The following RASGRF1 variants were observed in gnomAD, a reference collection of about 807,000 sequenced individuals.
RASGRF1 encodes the protein Ras protein specific guanine nucleotide releasing factor 1, also known as ras-specific guanine nucleotide-releasing factor 1.
Under a neutral mutation model 138.7 loss-of-function variants are expected in RASGRF1, and 40 were observed. The observed-to-expected ratio is 0.29, with a 90% CI of 0.22 to 0.38. RASGRF1 has a LOEUF of 0.38. Ranked by LOEUF, RASGRF1 falls within the 10% of genes least tolerant of loss-of-function variation. The pLI is 1.00. For missense variants in RASGRF1, 1,108 were observed against 1,650.4 expected, an observed-to-expected ratio of 0.67 and a Z score of 5.69; for synonymous variants, 614 against 663.2, an observed-to-expected ratio of 0.93 and a Z score of 1.14.
chr15:79,004,471 G>A (rs972363220), intron 14 of RASGRF1, among the ~76,000 whole-genome samples: 8 of 152,064 alleles, frequency 5.3e-5, no homozygotes, highest in Non-Finnish European at 1.0e-4. Context: ...AGGGTCCCCT[G>A]AGCTGCGGAC....
At chr15:79,062,688 C>A (rs79343508) in intron 2 of RASGRF1, among the ~76,000 whole-genome samples, 13,799 of 152,118 alleles carry the variant, frequency 0.091, 769 homozygotes, top group Non-Finnish European at 0.12. Context: ...GCTTCCCTAC[C>A]ACCCCCCGCT....
chr15:79,042,997 T>A (rs533317125), intron 5 of RASGRF1, among the ~76,000 whole-genome samples: 24 of 152,306 alleles, frequency 1.6e-4, no homozygotes, highest in African/African-American at 5.8e-4. Context: ...ATGTTCCAGC[T>A]CTTCCTTCCC....
At chr15:79,074,193 T>G (rs1595968256) in intron 1 of RASGRF1, among the ~76,000 whole-genome samples, 1 of 152,236 alleles carries the variant, frequency 6.6e-6, no homozygotes, top group Admixed American at 6.5e-5. Flanking sequence ...TCAGGATCCC[T>G]AGGGGTATGG....
At chr15:79,030,205 G>A (rs2057117228) in intron 8 of RASGRF1, among the ~76,000 whole-genome samples, 2 of 152,186 alleles carry the variant, frequency 1.3e-5, no homozygotes, top group East Asian at 1.9e-4. Flanking sequence ...TGGCCTGGTT[G>A]GCTGCCCCTT....
At chr15:79,067,361 C>T (rs1235835623) in intron 1 of RASGRF1, among the ~76,000 whole-genome samples, 1 of 152,222 alleles carries the variant, frequency 6.6e-6, no homozygotes, top group Non-Finnish European at 1.5e-5. Context: ...TCTTTGCACA[C>T]ACCACCTGAC....
intron 12 of RASGRF1, among the ~76,000 whole-genome samples, chr15:79,015,691 T>C (rs573912532): frequency 6.6e-6 from 1 of 152,356 alleles, no homozygotes; most frequent in East Asian, 1.9e-4. Flanking sequence ...ACTGGGTTGA[T>C]TACAAACAAC....
rs138808187 is a variant in RASGRF1 at position 78,969,552 on chromosome 15, C to T, written c.3681+2314G>A. On this transcript the variant is annotated intron_variant, in intron 26 of 26. Coordinates refer to ENST00000558480, the MANE Select transcript of RASGRF1 (RefSeq NM_001145648.3). ...GGCGTGGTGGCTCACACCTGTAGTC[C>T]CAGCTACTCAGGAGGCTGAGGCAGG... Among the ~76,000 whole-genome samples the T allele has an allele frequency of 0.024, 3,703 of 152,144 alleles. 396 individuals are homozygous for T. In the East Asian group the frequency reaches 0.34, roughly 14 times the overall value.
At chr15:79,087,679 GTCAAA>G (rs2057999460) in intron 1 of RASGRF1, among the ~76,000 whole-genome samples, 3 of 152,230 alleles carry the variant, frequency 2.0e-5, no homozygotes, top group Admixed American at 6.5e-5. Flanking sequence ...GGGCACCCAA[GTCAAA>G]GAGAAACATG....
chr15:79,002,594 T>A (rs896593463), intron 15 of RASGRF1, among the ~76,000 whole-genome samples: 2 of 152,176 alleles, frequency 1.3e-5, no homozygotes, highest in African/African-American at 4.8e-5. Context: ...CATAATTAGA[T>A]TCATGGGCTC....
chr15:79,028,057 T>C (rs2057085584), intron 8 of RASGRF1, among the ~76,000 whole-genome samples, 198 bp from the exon 9 acceptor site: 1 of 152,204 alleles, frequency 6.6e-6, no homozygotes, highest in Non-Finnish European at 1.5e-5. Flanking sequence ...AGGCACGACC[T>C]CATTTTATCC....
At chr15:79,000,344 T>C (rs903284727) in intron 16 of RASGRF1, among the ~76,000 whole-genome samples, 1 of 152,172 alleles carries the variant, frequency 6.6e-6, no homozygotes, top group Non-Finnish European at 1.5e-5. Flanking sequence ...GATGGGCTCG[T>C]GGGCACAGTG....
At chr15:79,019,736 G>A (rs994057534) in intron 11 of RASGRF1, among the ~76,000 whole-genome samples, 3 of 152,246 alleles carry the variant, frequency 2.0e-5, no homozygotes, top group Non-Finnish European at 4.4e-5. Context: ...TGGTCCAGCA[G>A]CCCAGGGAGC....
At chr15:79,012,823 C>T (rs1790432075) in intron 13 of RASGRF1, among the ~76,000 whole-genome samples, 1 of 152,184 alleles carries the variant, frequency 6.6e-6, no homozygotes, top group Non-Finnish European at 1.5e-5. Context: ...GCTGGGATTA[C>T]AGGCGCATGC....
intron 12 of RASGRF1, among the ~76,000 whole-genome samples, chr15:79,016,297 C>T (rs545383423): frequency 4.6e-5 from 7 of 152,328 alleles, no homozygotes; most frequent in Admixed American, 6.5e-5. Flanking sequence ...GTGGAGCTCC[C>T]AGGCCCAGAC....
intron 26 of RASGRF1, among the ~76,000 whole-genome samples, chr15:78,964,209 T>C (rs547079818): frequency 2.6e-4 from 40 of 152,126 alleles, no homozygotes; most frequent in South Asian, 2.1e-3. Flanking sequence ...AATTTCATTC[T>C]TGTCACCCAG....
At chr15:79,021,680 C>T (rs1482876074) in intron 10 of RASGRF1, among the ~76,000 whole-genome samples, 1 of 152,194 alleles carries the variant, frequency 6.6e-6, no homozygotes, top group Non-Finnish European at 1.5e-5. Context: ...ATTAAGAACA[C>T]AGACTCTGGA....
rs1327660335 is a variant in RASGRF1, at chr15:79,064,541, A to C, written c.277-15T>G. On this transcript the variant is annotated splice_polypyrimidine_tract_variant and intron_variant, in intron 1 of 26. Transcript: ENST00000558480. ...GTGAAGTAATGCTGTATCAAGAAGA[A>C]GACATCTCCAATTACCAGAGTGTCC... 3.1e-6 allele frequency: 5 copies of C among 1,609,648 alleles called. No individual in the cohort carries two copies. The highest frequency in any genetic ancestry group is 4.3e-6 in the Non-Finnish European group (5 of 1,176,002).
chr15:78,995,751 TCTC>T lies in RASGRF1; in HGVS notation c.3013_3015del (p.Glu1005del). On this transcript the variant is annotated inframe_deletion, in exon 20 of 27. Transcript: ENST00000558480. ...CAGGCCCAGCTCACCATCTGCGTGA[TCTC>T]CTCCAGCGTGATCTGGTTGTCACCT... 6.2e-7 allele frequency: 1 copy of T among 1,614,022 alleles called. No individual in the cohort carries two copies. The highest frequency in any genetic ancestry group is 8.5e-7 in the Non-Finnish European group (1 of 1,179,976).
At chr15:78,979,099 G>T in intron 24 of RASGRF1, 1 of 1,289,980 alleles carries the variant, frequency 7.8e-7, no homozygotes, top group Non-Finnish European at 1.0e-6. Flanking sequence ...CGGACAAGTT[G>T]GTGAATGCAC....
Sources: allele counts gnomAD v4.1 joint callset (sites outside exome capture counted in the v4.1 genomes callset), GRCh38; gene constraint gnomAD v4.1.1; transcripts MANE v1.5; gene names NCBI Gene and HGNC (gene_info 2026-07-23, HGNC 2026-07-21).